Variants in MOB1B observed in about 807,000 individuals in gnomAD.
MOB1B encodes MOB kinase activator 1B, also known as MOB1 Mps One Binder homolog B.
MOB1B carries 19 observed loss-of-function variants against 24.4 expected under a neutral mutation model. The ratio of observed to expected loss-of-function variants is 0.78; its 90% CI spans 0.54 to 1.14. The LOEUF (loss-of-function observed/expected upper bound fraction) is 1.14, where lower values mean the gene tolerates loss of function less well. MOB1B is among the 50% of genes most tolerant of loss of function. The pLI is 0.00. For synonymous variants in MOB1B, 76 were observed against 82.1 expected (o/e 0.93, Z 0.40); for missense variants, 243 against 259.6 (o/e 0.94, Z 0.44).
upstream of MOB1B, chr4:70,902,268 T>C: frequency 1.7e-6 from 1 of 571,690 alleles, no homozygotes; most frequent in South Asian, 2.0e-5. Flanking sequence ...GGCGGGGAGC[T>C]GGGGAGGGGC....
intron 1 of MOB1B, among the ~76,000 whole-genome samples, chr4:70,920,167 T>C (rs1736367178): frequency 6.6e-6 from 1 of 152,178 alleles, no homozygotes; most frequent in African/African-American, 2.4e-5. Flanking sequence ...ATAAAAGACA[T>C]TACACTTTTC....
intron 4 of MOB1B, among the ~76,000 whole-genome samples, chr4:70,978,644 G>GAGAATGC (rs1217934487): frequency 6.6e-6 from 1 of 152,208 alleles, no homozygotes; most frequent in Admixed American, 6.5e-5. Context: ...CGATGGAATA[G>GAGAATGC]AGAATGCAGC....
At chr4:70,929,505 A>G (rs184368441) in intron 1 of MOB1B, among the ~76,000 whole-genome samples, 21 of 152,000 alleles carry the variant, frequency 1.4e-4, no homozygotes, top group Non-Finnish European at 1.6e-4. Context: ...TTTGGAGATA[A>G]GGTCTTGCTC....
chr4:70,959,759 A>G (rs1267051816), intron 2 of MOB1B, among the ~76,000 whole-genome samples: 1 of 152,200 alleles, frequency 6.6e-6, no homozygotes, highest in Non-Finnish European at 1.5e-5. Flanking sequence ...TCATATAGCT[A>G]TTAAATGGAA....
intron 1 of MOB1B, among the ~76,000 whole-genome samples, chr4:70,927,472 G>A (rs557753317): frequency 5.3e-4 from 81 of 152,146 alleles, no homozygotes; most frequent in South Asian, 1.2e-3. Flanking sequence ...CCTGGGAGGC[G>A]GAGGTTGCAG....
rs147290850 is a variant in MOB1B at position 70,976,168 on chromosome 4, C to T, written c.409+882C>T. ...CTACCCACCTCGGCCTCCCAAAGTA[C>T]TGGGAACCCTCTCTATAATTTTAAA... On this transcript the variant is annotated intron_variant, in intron 4 of 5. Coordinates refer to ENST00000309395, the MANE Select transcript of MOB1B (RefSeq NM_173468.4). 3 of 981,394 alleles carry T rather than the reference C, an allele frequency of 3.1e-6. No individual in the cohort carries two copies. The African/African-American group carries it at 5.2e-5, about 17-fold the overall frequency. The allele number at this position is 981,394 out of a possible 1,614,324, so 60.8% of individuals were successfully genotyped here.
intron 1 of MOB1B, among the ~76,000 whole-genome samples, chr4:70,952,104 T>A (rs1737832835): frequency 6.6e-6 from 1 of 152,212 alleles, no homozygotes; most frequent in Non-Finnish European, 1.5e-5. Flanking sequence ...GAATTTAACC[T>A]TCATACATGC....
At chr4:70,914,909 C>T (rs1233677815) in intron 1 of MOB1B, among the ~76,000 whole-genome samples, 1 of 152,152 alleles carries the variant, frequency 6.6e-6, no homozygotes, top group Non-Finnish European at 1.5e-5. Context: ...TGAAAGCAGT[C>T]TGAGATTCAG....
chr4:70,913,304 C>G (rs550780702), intron 1 of MOB1B, among the ~76,000 whole-genome samples: 165 of 148,216 alleles, frequency 1.1e-3, no homozygotes, highest in Admixed American at 4.0e-3. Flanking sequence ...ATGTATGTAT[C>G]TATGTATTTT....
At chr4:70,948,387 C>T (rs1337440114) in intron 1 of MOB1B, among the ~76,000 whole-genome samples, 1 of 152,194 alleles carries the variant, frequency 6.6e-6, no homozygotes, top group Non-Finnish European at 1.5e-5. Flanking sequence ...TAGTAACCAT[C>T]TCCACAGTCA....
chr4:70,971,891 C>T (rs1367292496), intron 3 of MOB1B, among the ~76,000 whole-genome samples: 3 of 151,978 alleles, frequency 2.0e-5, no homozygotes, highest in Non-Finnish European at 4.4e-5. Flanking sequence ...CTGCTTCCCT[C>T]TCTTTCTCTT....
At chr4:70,904,065 C>T (rs1477436295) in intron 1 of MOB1B, among the ~76,000 whole-genome samples, 1 of 130,546 alleles carries the variant, frequency 7.7e-6, no homozygotes, top group African/African-American at 2.7e-5. Flanking sequence ...TCACTGCAAC[C>T]TCTGCCTCCC....
chr4:70,972,505 C>G (rs1468856602), intron 3 of MOB1B, among the ~76,000 whole-genome samples: 1 of 152,086 alleles, frequency 6.6e-6, no homozygotes, highest in Non-Finnish European at 1.5e-5. Flanking sequence ...TGAGCCACTG[C>G]ACCTGGCCCT....
intron 5 of MOB1B, 24 bp downstream of exon 5, chr4:70,979,315 G>C: frequency 6.3e-7 from 1 of 1,582,980 alleles, no homozygotes; most frequent in Non-Finnish European, 8.6e-7. Flanking sequence ...GGAGGCCTTT[G>C]GTGCTCAGGG....
At chr4:70,942,729 A>G in intron 1 of MOB1B, 1 of 240,794 alleles carries the variant, frequency 4.2e-6, no homozygotes, top group Non-Finnish European at 6.7e-6. Flanking sequence ...GAAAAGATAC[A>G]GACTAGGGCA....
intron 1 of MOB1B, among the ~76,000 whole-genome samples, chr4:70,914,018 TAG>T (rs1736102237): frequency 6.6e-6 from 1 of 152,126 alleles, no homozygotes; most frequent in African/African-American, 2.4e-5. Flanking sequence ...TATTAGAAGA[TAG>T]AGCCTTTGGG....
chr4:70,924,482 TA>T (rs933386060), intron 1 of MOB1B, among the ~76,000 whole-genome samples: 33 of 152,252 alleles, frequency 2.2e-4, no homozygotes, highest in African/African-American at 7.5e-4. Flanking sequence ...AAGAACCAAC[TA>T]TTTTTTTTTT....
intron 1 of MOB1B, among the ~76,000 whole-genome samples, chr4:70,948,391 ACAGT>A (rs779526471): frequency 7.9e-5 from 12 of 152,168 alleles, no homozygotes; most frequent in Non-Finnish European, 1.6e-4. Flanking sequence ...AACCATCTCC[ACAGT>A]CAATTATATT....
At chr4:70,972,103 A>G (rs1454618397) in intron 3 of MOB1B, among the ~76,000 whole-genome samples, 1 of 151,986 alleles carries the variant, frequency 6.6e-6, no homozygotes, top group Non-Finnish European at 1.5e-5. Flanking sequence ...CAGCAGATGC[A>G]GGATTGTGCC....
Sources: allele counts gnomAD v4.1 joint callset (sites outside exome capture counted in the v4.1 genomes callset), GRCh38; gene constraint gnomAD v4.1.1; transcripts MANE v1.5; gene names NCBI Gene and HGNC (gene_info 2026-07-23, HGNC 2026-07-21).